The following CFAP57 variants were observed in gnomAD, a reference collection of about 807,000 sequenced individuals.
CFAP57 encodes the protein cilia and flagella associated protein 57.
Under a neutral mutation model 146.8 loss-of-function variants are expected in CFAP57, and 116 were observed. That is an observed-to-expected ratio of 0.79 (90% CI 0.68 to 0.92). CFAP57 has a LOEUF of 0.92. Ranked by LOEUF, CFAP57 falls within the 40% of genes least tolerant of loss-of-function variation. CFAP57 has a pLI of 0.00. For synonymous variants in CFAP57, 518 were observed against 552.8 expected (o/e 0.94, Z 0.88); for missense variants, 1,377 against 1,527.2 (o/e 0.90, Z 1.64).
rs529157642 is a variant in CFAP57, at chr1:43,210,158, A to G, written c.1929+242A>G. 5 of 1,579,288 alleles carry G rather than the reference A, an allele frequency of 3.2e-6. No individual in the cohort carries two copies. In the East Asian group the frequency reaches 1.1e-4, roughly 36 times the overall value. Reference sequence around the variant, plus strand: ...AATGTATGTACAACGTTTTCACCATAATATTATGCATAATAAGGGGCCGTT... The same window carrying G: ...AATGTATGTACAACGTTTTCACCATGATATTATGCATAATAAGGGGCCGTT... On this transcript the variant is annotated intron_variant, in intron 11 of 22. Coordinates refer to ENST00000372492, the MANE Select transcript of CFAP57 (RefSeq NM_001378189.1).
chr1:43,207,041 C>G, intron 10 of CFAP57, 109 bp downstream of exon 10: 1 of 1,071,418 alleles, frequency 9.3e-7, no homozygotes, highest in Non-Finnish European at 1.4e-6. Context: ...GCATACAGGG[C>G]CCCTTCTTCC....
chr1:43,211,046 C>T (rs1644586382), intron 11 of CFAP57, among the ~76,000 whole-genome samples: 1 of 151,866 alleles, frequency 6.6e-6, no homozygotes, highest in African/African-American at 2.4e-5. Context: ...GATTGAATGA[C>T]ACAGCACCTG....
intron 22 of CFAP57, among the ~76,000 whole-genome samples, chr1:43,249,429 T>C (rs1217446014): frequency 1.8e-5 from 2 of 114,092 alleles, no homozygotes; most frequent in Non-Finnish European, 3.7e-5. Flanking sequence ...TTCTTTTTTT[T>C]TTTTTTTTTT....
intron 21 of CFAP57, among the ~76,000 whole-genome samples, chr1:43,240,753 G>A (rs1645882186): frequency 6.6e-6 from 1 of 152,214 alleles, no homozygotes; most frequent in East Asian, 1.9e-4. Context: ...CATGGCACCA[G>A]CATTGCTTCT....
chr1:43,224,304 A>G (rs1645159674), intron 17 of CFAP57, 100 bp downstream of exon 17: 5 of 1,354,696 alleles, frequency 3.7e-6, no homozygotes, highest in South Asian at 1.7e-5. Flanking sequence ...CTCAGGACGC[A>G]TTTCTTTAAC....
chr1:43,219,229 G>A (rs1387119165), intron 12 of CFAP57, among the ~76,000 whole-genome samples, 153 bp from the exon 13 acceptor site: 1 of 152,210 alleles, frequency 6.6e-6, no homozygotes, highest in Admixed American at 6.5e-5. Context: ...TTTAGCTGAT[G>A]TGCCTTCTGG....
chr1:43,254,087 C>G lies in CFAP57; in HGVS notation c.3649C>G (p.Gln1217Glu), dbSNP rs1030209681. ...CCTAGAAATCCAGCGCCTCAGAGAC[C>G]AGATCCAAGAGCAAGAGCAGGTCAC... ...QRLEIQRLRD[Q>E]IQEQEQVTGF... The change falls in exon 23 of 23, where the codon CAG becomes GAG. Residue 1217 changes from glutamine to glutamate, a missense_variant. Transcript: ENST00000372492. 1.2e-5 allele frequency: 18 copies of G among 1,550,490 alleles called. No homozygotes were observed. The highest frequency in any genetic ancestry group is 1.6e-5 in the Non-Finnish European group (18 of 1,147,004).
chr1:43,185,364 G>A lies in CFAP57; in HGVS notation c.969+8G>A, dbSNP rs766577617. ...GAGAGCAGAGAAATCAGGGTAAGGCGGGAAGAAAAAAAAGAAGTAAAATGG... is the reference window on the plus strand; with the variant it reads ...GAGAGCAGAGAAATCAGGGTAAGGCAGGAAGAAAAAAAAGAAGTAAAATGG... On this transcript the variant is annotated splice_region_variant and intron_variant, in intron 5 of 22. Transcript: ENST00000372492. 20 of 1,613,398 alleles carry A rather than the reference G, an allele frequency of 1.2e-5. No individual in the cohort carries two copies. Among genetic ancestry groups the A allele is most frequent in the East Asian group, 2.2e-5 (1 of 44,852 alleles).
At position 43,180,223 on chromosome 1, in the gene CFAP57, T is replaced by TTATATATATATATATATATATATATA. The variant is rs1289107795; in HGVS notation, c.158-1295_158-1294insTATATATATATATATATATATATATA. On this transcript the variant is annotated intron_variant, in intron 2 of 22. Coordinates refer to ENST00000372492, the MANE Select transcript of CFAP57 (RefSeq NM_001378189.1). Reference sequence around the variant, plus strand: ...CTCTATCTCAAAAAATATATATATTTTATATATATATATATAAAATATATA... The same window carrying TTATATATATATATATATATATATATA: ...CTCTATCTCAAAAAATATATATATTTTATATATATATATATATATATATATATATATATATATATATAAAATATATA... Among the ~76,000 whole-genome samples the TTATATATATATATATATATATATATA allele has an allele frequency of 5.0e-4, 68 of 137,280 alleles. 1 individual carries two copies. The highest frequency in any genetic ancestry group is 1.8e-3 in the African/African-American group (64 of 35,934). 90.1% of individuals were successfully genotyped at this position (137,280 alleles called of 152,430 possible). A position where few individuals can be genotyped will look rare whatever the true frequency, so the allele number is the denominator to read the frequency against.
In CFAP57 at chr1:43,223,008, G is replaced by A. The variant is rs77918983; in HGVS notation, c.2706+11G>A. On this transcript the variant is annotated intron_variant, in intron 16 of 22. Transcript: ENST00000372492. ...ATCATGAGGAAGAAGGTAGCAGGCT[G>A]TTCTCCAAGAGACCTAGGGTGGGCG... 70 of 1,544,842 alleles carry A rather than the reference G, an allele frequency of 4.5e-5. No homozygotes were observed. In the East Asian group the frequency reaches 9.5e-4, roughly 21 times the overall value.
chr1:43,181,103 G>T (rs763525608), intron 2 of CFAP57, among the ~76,000 whole-genome samples: 1 of 151,718 alleles, frequency 6.6e-6, no homozygotes, highest in Non-Finnish European at 1.5e-5. Context: ...GGACAGTCTC[G>T]CTCTGTCTCC....
chr1:43,214,250 T>G lies in CFAP57; in HGVS notation c.1930-1005T>G, dbSNP rs547730155. The stretch of plus-strand genomic sequence containing the variant: ...TTGTTTAATGTTGAATTGTTTGAGT[T>G]CTTTGGTATTCTGGATATTGGTCTT... On this transcript the variant is annotated intron_variant, in intron 11 of 22. Transcript: ENST00000372492. Among the ~76,000 whole-genome samples, 14 of 152,302 alleles carry G rather than the reference T, an allele frequency of 9.2e-5. No individual in the cohort carries two copies. In the South Asian group the frequency reaches 2.1e-3, roughly 23 times the overall value.
At chr1:43,195,953 A>G (rs1426759416) in intron 6 of CFAP57, among the ~76,000 whole-genome samples, 17 of 152,258 alleles carry the variant, frequency 1.1e-4, no homozygotes, top group Non-Finnish European at 1.5e-5. Flanking sequence ...CTGAGATACA[A>G]AATGAAAACA....
rs1412531575 is a variant in CFAP57, at chr1:43,234,321, C to A, written c.3169C>A (p.Leu1057Ile). 6.5e-7 allele frequency: 1 copy of A among 1,550,076 alleles called. No individual in the cohort carries two copies. Among genetic ancestry groups the A allele is most frequent in the African/African-American group, 1.4e-5 (1 of 73,058 alleles). The change falls in exon 20 of 23, where the codon CTC (leucine) becomes ATC (isoleucine). Residue 1057 changes from leucine (L) to isoleucine (I), a missense_variant. By Grantham distance (5) the Leu-to-Ile change is conservative. Transcript: ENST00000372492. ...EALVKRFKTDLHNCVAYIQEP... is the reference protein window; with the variant it reads ...EALVKRFKTDIHNCVAYIQEP... ...GCTGGTCAAAAGGTTTAAAACAGAC[C>A]TCCACAACTGCGTAGCCTATATTCA... is the stretch of plus-strand genomic sequence containing the variant.
At chr1:43,253,762 A>G (rs1646377650) in intron 22 of CFAP57, among the ~76,000 whole-genome samples, 1 of 152,092 alleles carries the variant, frequency 6.6e-6, no homozygotes, top group African/African-American at 2.4e-5. Context: ...GGTGGTTCTC[A>G]GTATTCACCT....
Position 43,234,308 on chromosome 1 carries a change from G to A in CFAP57, c.3156G>A (p.Arg1052=). 6.5e-7 allele frequency: 1 copy of A among 1,549,926 alleles called. No homozygotes were observed. The highest frequency in any genetic ancestry group is 8.7e-7 in the Non-Finnish European group (1 of 1,146,774). ...KERDLEALVK[R]FKTDLHNCVA... is the part of the protein sequence containing the mutation. ...GAGACTTGGAAGCGCTGGTCAAAAG[G>A]TTTAAAACAGACCTCCACAACTGCG... The change falls in exon 20 of 23, where the codon AGG becomes AGA. Residue 1052 remains arginine (R), a synonymous_variant. Coordinates refer to ENST00000372492, the MANE Select transcript of CFAP57 (RefSeq NM_001378189.1).
Position 43,186,386 on chromosome 1 carries a change from C to T in CFAP57, c.970-321C>T, listed in dbSNP as rs545619989. On this transcript the variant is annotated intron_variant, in intron 5 of 22. Coordinates refer to ENST00000372492, the MANE Select transcript of CFAP57 (RefSeq NM_001378189.1). ...CAGCACTTTGGAAGGCCGAGGCGGGCGGATCATGAGGTCAGGAGATCGAGA... is the reference window on the plus strand; with the variant it reads ...CAGCACTTTGGAAGGCCGAGGCGGGTGGATCATGAGGTCAGGAGATCGAGA... 7.2e-5 allele frequency among the ~76,000 whole-genome samples: 11 copies of T among 151,978 alleles called. No homozygotes were observed. The South Asian group carries it at 1.0e-3, about 14-fold the overall frequency.
intron 21 of CFAP57, among the ~76,000 whole-genome samples, chr1:43,240,352 T>C (rs1645864584): frequency 6.6e-6 from 1 of 152,198 alleles, no homozygotes; most frequent in Admixed American, 6.5e-5. Flanking sequence ...CATGGGACTG[T>C]TTTCCTTAGT....
At chr1:43,206,031 C>A (rs569256570) in intron 9 of CFAP57, among the ~76,000 whole-genome samples, 1 of 152,126 alleles carries the variant, frequency 6.6e-6, no homozygotes, top group African/African-American at 2.4e-5. Context: ...GTCACTGAGG[C>A]CAGAGGGCAG....
Sources: gnomAD v4.1 joint callset for allele counts (sites outside exome capture counted in the v4.1 genomes callset) on GRCh38, gnomAD v4.1.1 for gene constraint, MANE v1.5 for transcripts, NCBI Gene and HGNC (gene_info 2026-07-23, HGNC 2026-07-21) for gene names.